Variants in KCNH1 observed in about 807,000 individuals in gnomAD.
KCNH1 encodes the protein potassium voltage-gated channel subfamily H member 1.
In KCNH1, 27 loss-of-function variants were observed where a neutral mutation model predicts 69.2. That is an observed-to-expected ratio of 0.39 (90% confidence interval 0.29 to 0.54). The LOEUF (loss-of-function observed/expected upper bound fraction) is 0.54, where lower values mean the gene tolerates loss of function less well. KCNH1 is among the 20% of genes least tolerant of loss of function. KCNH1 has a pLI of 0.68. For missense variants in KCNH1, 798 were observed against 1,261.6 expected, an observed-to-expected ratio of 0.63 and a Z score of 5.57; for synonymous variants, 456 against 487.7, an observed-to-expected ratio of 0.93 and a Z score of 0.86.
At chr1:211,070,215 G>C (rs1358582902) in intron 5 of KCNH1, among the ~76,000 whole-genome samples, 1 of 151,120 alleles carries the variant, frequency 6.6e-6, no homozygotes, top group Admixed American at 6.6e-5. Context: ...TCAGGAGATG[G>C]AGACCATCCT....
At chr1:210,886,302 G>A (rs1686604607) in intron 7 of KCNH1, among the ~76,000 whole-genome samples, 1 of 152,300 alleles carries the variant, frequency 6.6e-6, no homozygotes, top group Non-Finnish European at 1.5e-5. Flanking sequence ...CAGCAGAGCA[G>A]CCTGATTGAT....
chr1:211,072,535 G>T (rs1282415619), intron 5 of KCNH1, among the ~76,000 whole-genome samples: 1 of 152,156 alleles, frequency 6.6e-6, no homozygotes. Flanking sequence ...ATTCAATTAT[G>T]CTTGTATATG....
At chr1:210,760,101 C>A (rs1217184151) in intron 10 of KCNH1, among the ~76,000 whole-genome samples, 1 of 152,020 alleles carries the variant, frequency 6.6e-6, no homozygotes, top group South Asian at 2.1e-4. Context: ...TCCCTGCCAC[C>A]CCAGTTCATG....
At chr1:211,106,341 C>G (rs1691346479) in intron 2 of KCNH1, among the ~76,000 whole-genome samples, 1 of 152,174 alleles carries the variant, frequency 6.6e-6, no homozygotes, top group Non-Finnish European at 1.5e-5. Context: ...AACACCACGG[C>G]CCAAGGACAC....
At chr1:210,987,218 G>T (rs191016357) in intron 6 of KCNH1, among the ~76,000 whole-genome samples, 6 of 151,996 alleles carry the variant, frequency 3.9e-5, no homozygotes, top group Non-Finnish European at 5.9e-5. Flanking sequence ...CTTCTTTGCC[G>T]TGGGTTTGAA....
chr1:211,045,482 T>C (rs115927651), intron 5 of KCNH1, among the ~76,000 whole-genome samples: 1,922 of 152,158 alleles, frequency 0.013, 46 homozygotes, highest in African/African-American at 0.044. Flanking sequence ...AGCAGCTAAA[T>C]AAAAAGATCC....
chr1:211,074,291 G>A (rs1039356556), intron 5 of KCNH1, among the ~76,000 whole-genome samples: 2 of 151,320 alleles, frequency 1.3e-5, no homozygotes, highest in Admixed American at 6.6e-5. Flanking sequence ...CCTTAATTTG[G>A]TATAAATTTA....
chr1:211,112,787 C>A (rs1691498683), intron 1 of KCNH1, among the ~76,000 whole-genome samples: 1 of 152,144 alleles, frequency 6.6e-6, no homozygotes. Context: ...GATTTCTAGT[C>A]CCAGCCACAA....
intron 7 of KCNH1, among the ~76,000 whole-genome samples, chr1:210,866,342 G>A (rs189584789): frequency 3.4e-4 from 52 of 152,036 alleles, no homozygotes; most frequent in Middle Eastern, 3.4e-3. Flanking sequence ...CCACAGACTC[G>A]CAGAAAATAT....
chr1:210,858,481 CA>C (rs1340640265), intron 7 of KCNH1: 1 of 152,210 alleles, frequency 6.6e-6, no homozygotes, highest in East Asian at 1.9e-4. Flanking sequence ...CACTCCATTA[CA>C]TCTTTTTATA....
intron 10 of KCNH1, among the ~76,000 whole-genome samples, chr1:210,770,678 C>T (rs1359611068): frequency 6.6e-6 from 1 of 152,250 alleles, no homozygotes; most frequent in Non-Finnish European, 1.5e-5. Flanking sequence ...ATCTCCCAAC[C>T]TGGGGTATTA....
chr1:211,037,368 G>A (rs1332966760), intron 5 of KCNH1, among the ~76,000 whole-genome samples: 1 of 152,134 alleles, frequency 6.6e-6, no homozygotes, highest in African/African-American at 2.4e-5. Flanking sequence ...GCAATGGGAA[G>A]GCTGGTATTT....
chr1:211,105,408 T>C (rs1428128959), intron 2 of KCNH1, among the ~76,000 whole-genome samples: 1 of 152,242 alleles, frequency 6.6e-6, no homozygotes, highest in Admixed American at 6.5e-5. Context: ...CTAGTTTTCA[T>C]TCATCTTATG....
intron 10 of KCNH1, among the ~76,000 whole-genome samples, chr1:210,693,859 C>A (rs2226023): frequency 0.48 from 72,567 of 151,966 alleles, 18,176 homozygotes; most frequent in Middle Eastern, 0.66. Flanking sequence ...CTAACTAACT[C>A]ACTCCTACAG....
chr1:210,942,432 A>G (rs1483804561), intron 6 of KCNH1, among the ~76,000 whole-genome samples: 4 of 152,222 alleles, frequency 2.6e-5, no homozygotes, highest in Admixed American at 1.3e-4. Flanking sequence ...GCTAATGCCC[A>G]TAAAAGTATT....
At chr1:211,078,927 A>AG (rs1690791260) in intron 5 of KCNH1, among the ~76,000 whole-genome samples, 1 of 150,564 alleles carries the variant, frequency 6.6e-6, no homozygotes, top group Admixed American at 6.6e-5. Flanking sequence ...CAAAAAAAAA[A>AG]AAAAAAAAAA....
rs201486645 is a variant in KCNH1 at position 210,829,086 on chromosome 1, C to T, written c.1463-24920G>A. Among the ~76,000 whole-genome samples the T allele has an allele frequency of 1.8e-4, 28 of 152,266 alleles. No individual in the cohort carries two copies. In the East Asian group the frequency reaches 4.6e-3, roughly 25 times the overall value. On this transcript the variant is annotated intron_variant, in intron 7 of 10. Coordinates refer to ENST00000271751, the MANE Select transcript of KCNH1 (RefSeq NM_172362.3). Reference sequence around the variant, plus strand: ...TATTCAGGATCTGGCCCCTGCATCTCTCCTGAGGGCAGTGGGACTGACACA... The same window carrying T: ...TATTCAGGATCTGGCCCCTGCATCTTTCCTGAGGGCAGTGGGACTGACACA...
At chr1:210,890,895 G>C (rs1022516549) in intron 7 of KCNH1, among the ~76,000 whole-genome samples, 4 of 152,086 alleles carry the variant, frequency 2.6e-5, no homozygotes, top group African/African-American at 9.7e-5. Context: ...GAAACAACAG[G>C]TGCTGGAGAG....
chr1:211,009,231 A>G (rs750081615), intron 6 of KCNH1, among the ~76,000 whole-genome samples: 4 of 152,214 alleles, frequency 2.6e-5, no homozygotes, highest in Non-Finnish European at 1.5e-5. Flanking sequence ...ATTTGGCTAC[A>G]TGGACATCAC....
Sources: allele counts gnomAD v4.1 joint callset (sites outside exome capture counted in the v4.1 genomes callset), GRCh38; gene constraint gnomAD v4.1.1; transcripts MANE v1.5; gene names NCBI Gene and HGNC (gene_info 2026-07-23, HGNC 2026-07-21).